Variants in DPP10 observed in about 807,000 individuals in gnomAD.
The protein encoded by DPP10 is dipeptidyl peptidase like 10.
Under a neutral mutation model 120.9 loss-of-function variants are expected in DPP10, and 33 were observed. The observed-to-expected ratio is 0.27, with a 90% confidence interval of 0.21 to 0.37. The LOEUF is 0.37. Ranked by LOEUF, DPP10 falls within the 10% of genes least tolerant of loss-of-function variation. The probability of loss-of-function intolerance (pLI) is 1.00; values close to 1 mark genes in which losing one functional copy is unlikely to be tolerated. For synonymous variants in DPP10, 337 were observed against 326.1 expected (o/e 1.03, Z -0.36); for missense variants, 816 against 942.8 (o/e 0.87, Z 1.76).
At chr2:114,761,043 G>A (rs1465150651) in intron 1 of DPP10, among the ~76,000 whole-genome samples, 1 of 152,078 alleles carries the variant, frequency 6.6e-6, no homozygotes, top group Non-Finnish European at 1.5e-5. Flanking sequence ...TCAGTTTTTT[G>A]TTGTTTTCTC....
chr2:114,536,131 A>G (rs1293447462), intron 1 of DPP10, among the ~76,000 whole-genome samples: 1 of 152,148 alleles, frequency 6.6e-6, no homozygotes, highest in Admixed American at 6.5e-5. Context: ...TGCATCCTGC[A>G]TCGACATGGT....
chr2:115,469,884 G>GAAAAAA (rs1212190142), intron 3 of DPP10, among the ~76,000 whole-genome samples: 3 of 75,556 alleles, frequency 4.0e-5, no homozygotes, highest in Non-Finnish European at 5.6e-5. Context: ...GGCAACAAGA[G>GAAAAAA]AAAAAAAAAA....
intron 1 of DPP10, among the ~76,000 whole-genome samples, chr2:114,730,385 T>C (rs1428920833): frequency 6.6e-6 from 1 of 152,164 alleles, no homozygotes; most frequent in Non-Finnish European, 1.5e-5. Context: ...CTGGCTATTC[T>C]CAGAGGCCTT....
At position 115,617,822 on chromosome 2, in the gene DPP10, A is replaced by C. The variant is rs568560139; in HGVS notation, c.442-71865A>C. Among the ~76,000 whole-genome samples, 18 of 152,296 alleles carry C rather than the reference A, an allele frequency of 1.2e-4. No homozygotes were observed. The East Asian group carries it at 3.5e-3, about 29-fold the overall frequency. On this transcript the variant is annotated intron_variant, in intron 5 of 25. Transcript: ENST00000410059. ...GTGCTGTTTTTTCCTTTATGTCCAT[A>C]CCTATGATAAAATTTAAGATATAAA...
At chr2:114,684,078 A>G (rs1404129254) in intron 1 of DPP10, among the ~76,000 whole-genome samples, 2 of 151,996 alleles carry the variant, frequency 1.3e-5, no homozygotes, top group African/African-American at 4.8e-5. Context: ...GGGACAATCC[A>G]TGTCTCCATA....
chr2:115,303,759 C>T lies in DPP10; in HGVS notation c.61-5480C>T, dbSNP rs1007550767. 2.0e-5 allele frequency among the ~76,000 whole-genome samples: 3 copies of T among 151,948 alleles called. No individual in the cohort carries two copies. The East Asian group carries it at 5.8e-4, about 29-fold the overall frequency. ...TTATTTTAATTTGTATTCCCAGCTTCATCTTGTGTGGTATCCCAAACCTTA... is the reference window on the plus strand; with the variant it reads ...TTATTTTAATTTGTATTCCCAGCTTTATCTTGTGTGGTATCCCAAACCTTA... On this transcript the variant is annotated intron_variant, in intron 1 of 25. Transcript: ENST00000410059.
intron 1 of DPP10, among the ~76,000 whole-genome samples, chr2:115,092,256 A>G (rs1004715219): frequency 7.2e-5 from 11 of 152,154 alleles, no homozygotes; most frequent in Non-Finnish European, 1.6e-4. Context: ...CAAACATTTC[A>G]TGTCCATTAT....
At chr2:114,998,855 A>C (rs1980006) in intron 1 of DPP10, among the ~76,000 whole-genome samples, 148,685 of 152,232 alleles carry the variant, frequency 0.98, 72,715 homozygotes, top group Middle Eastern at 1. Flanking sequence ...ACTCCTTAAG[A>C]TGCCATTTTT....
At chr2:114,962,931 T>G (rs2104730928) in intron 1 of DPP10, among the ~76,000 whole-genome samples, 1 of 152,332 alleles carries the variant, frequency 6.6e-6, no homozygotes, top group East Asian at 1.9e-4. Context: ...TTATATTATC[T>G]TCAGTAAGAT....
At chr2:115,379,610 G>T (rs868519864) in intron 3 of DPP10, among the ~76,000 whole-genome samples, 1 of 151,930 alleles carries the variant, frequency 6.6e-6, no homozygotes, top group Admixed American at 6.6e-5. Context: ...GAATGTGTTT[G>T]CTCTTGCTTT....
At position 114,800,719 on chromosome 2, in the gene DPP10, A is replaced by C. The variant is rs146497868; in HGVS notation, c.60+357881A>C. ...TATTGCTTCTCCGGTTTTATACATG[A>C]AATAATTGAAGCTTGAAAAAGTAAC... On this transcript the variant is annotated intron_variant, in intron 1 of 25. Transcript: ENST00000410059. Among the ~76,000 whole-genome samples, 961 of 152,306 alleles carry C rather than the reference A, an allele frequency of 6.3e-3. 17 individuals are homozygous for C. The highest frequency in any genetic ancestry group is 0.021 in the African/African-American group (865 of 41,572).
intron 2 of DPP10, among the ~76,000 whole-genome samples, chr2:115,318,907 T>G (rs1386326125): frequency 6.6e-6 from 1 of 152,112 alleles, no homozygotes; most frequent in Non-Finnish European, 1.5e-5. Context: ...CTTTTAGTTC[T>G]TTTTCTTGTC....
intron 3 of DPP10, among the ~76,000 whole-genome samples, chr2:115,374,366 A>G (rs2106417419): frequency 6.6e-6 from 1 of 152,230 alleles, no homozygotes. Context: ...TGGGCTCCCA[A>G]CATCTTGGGC....
chr2:115,635,072 G>C (rs1312422262), intron 5 of DPP10, among the ~76,000 whole-genome samples: 1 of 152,046 alleles, frequency 6.6e-6, no homozygotes, highest in Non-Finnish European at 1.5e-5. Context: ...GGCATTGCAG[G>C]GGAAAGATGG....
chr2:114,867,642 C>T (rs1420591124), intron 1 of DPP10, among the ~76,000 whole-genome samples: 2 of 152,178 alleles, frequency 1.3e-5, no homozygotes, highest in Non-Finnish European at 2.9e-5. Flanking sequence ...AATACTTATT[C>T]ATAGCTGTTT....
intron 1 of DPP10, among the ~76,000 whole-genome samples, chr2:115,052,373 C>T (rs1193373804): frequency 1.3e-5 from 2 of 151,760 alleles, no homozygotes; most frequent in Admixed American, 6.6e-5. Flanking sequence ...AATATATTAT[C>T]AAGGAAGTAA....
chr2:114,982,435 T>A (rs1700141334), intron 1 of DPP10, among the ~76,000 whole-genome samples: 1 of 152,152 alleles, frequency 6.6e-6, no homozygotes, highest in Non-Finnish European at 1.5e-5. Context: ...ACTTTCCTGT[T>A]ATACTAATGC....
chr2:114,609,095 G>A (rs545952780), intron 1 of DPP10, among the ~76,000 whole-genome samples: 4 of 152,236 alleles, frequency 2.6e-5, no homozygotes, highest in African/African-American at 9.6e-5. Flanking sequence ...AGCTTGGAAG[G>A]TTTGATGAAC....
At chr2:114,800,558 G>C (rs10514813) in intron 1 of DPP10, among the ~76,000 whole-genome samples, 92,654 of 151,920 alleles carry the variant, frequency 0.61, 28,467 homozygotes, top group East Asian at 0.78. Context: ...CATGAAAATA[G>C]ACACAGTGTC....
Sources: gnomAD v4.1 joint callset for allele counts (sites outside exome capture counted in the v4.1 genomes callset) on GRCh38, gnomAD v4.1.1 for gene constraint, MANE v1.5 for transcripts, NCBI Gene and HGNC (gene_info 2026-07-23, HGNC 2026-07-21) for gene names.